RANBP2: variants seen among roughly 807,000 people sequenced by gnomAD.
RANBP2 encodes RAN binding protein 2, also known as E3 SUMO-protein ligase RanBP2.
In RANBP2, 57 loss-of-function variants were observed where a neutral mutation model predicts 303.6. The ratio of observed to expected loss-of-function variants is 0.19; its 90% CI spans 0.15 to 0.23. RANBP2 has a LOEUF of 0.23. Among genes scored for constraint, RANBP2 ranks in the 10% least tolerant of loss-of-function variants. RANBP2 has a pLI of 1.00. For synonymous variants in RANBP2, 1,167 were observed against 1,301.5 expected, an observed-to-expected ratio of 0.90 and a Z score of 2.23; for missense variants, 3,138 against 3,780.8, an observed-to-expected ratio of 0.83 and a Z score of 4.46.
the RANBP2 span, among the ~76,000 whole-genome samples, chr2:109,133,593 A>G: frequency 1.3e-5 from 2 of 152,176 alleles, no homozygotes; most frequent in South Asian, 4.1e-4. Context: ...AGGATTCTGA[A>G]TAGAGCGTCA....
rs1159089490 is a variant in RANBP2, at chr2:108,753,058, T to C, written c.1816T>C (p.Trp606Arg). ...REYIGRSVHY[W>R]KKVLPLLKII... ...ATACATAGGGAGAAGTGTTCATTAT[T>C]GGAAGAAAGTTTTGCCATTGTTGAA... Residue 606 changes from tryptophan (W) to arginine (R), a missense_variant, in exon 13 of 29, where the codon TGG becomes CGG. This residue lies in a region of RANBP2 where 162 missense variants were observed against 286.9 expected (regional missense o/e 0.56). Transcript: ENST00000283195. 6.2e-7 allele frequency: 1 copy of C among 1,609,854 alleles called. No homozygotes were observed. The highest frequency in any genetic ancestry group is 1.7e-5 in the Admixed American group (1 of 59,702).
chr2:109,389,031 C>T, the RANBP2 span, among the ~76,000 whole-genome samples: 1 of 152,194 alleles, frequency 6.6e-6, no homozygotes, highest in Non-Finnish European at 1.5e-5. Context: ...CACCAGGAGC[C>T]CATCACATGC....
chr2:108,750,770 G>C (rs1431009067), intron 9 of RANBP2, among the ~76,000 whole-genome samples: 1 of 152,052 alleles, frequency 6.6e-6, no homozygotes, highest in Non-Finnish European at 1.5e-5. Context: ...TGTGTTTTTA[G>C]TAGAGACGGA....
At chr2:109,058,735 A>G in the RANBP2 span, among the ~76,000 whole-genome samples, 1 of 152,230 alleles carries the variant, frequency 6.6e-6, no homozygotes, top group Non-Finnish European at 1.5e-5. Flanking sequence ...AAGAGTCAGA[A>G]GAGTGGAATT....
At chr2:108,975,999 C>A in the RANBP2 span, among the ~76,000 whole-genome samples, 1 of 152,148 alleles carries the variant, frequency 6.6e-6, no homozygotes, top group Non-Finnish European at 1.5e-5. Context: ...GGACCCCACA[C>A]CAGTTTTCCT....
chr2:109,094,321 C>T, the RANBP2 span, among the ~76,000 whole-genome samples: 17 of 152,152 alleles, frequency 1.1e-4, no homozygotes, highest in East Asian at 1.2e-3. Flanking sequence ...TTTGGGGATC[C>T]GGTATTATGT....
At chr2:108,794,977 C>A in the RANBP2 span, among the ~76,000 whole-genome samples, 2 of 151,682 alleles carry the variant, frequency 1.3e-5, no homozygotes, top group Non-Finnish European at 2.9e-5. Context: ...TGATTTCCAT[C>A]CCATCCTTAC....
At chr2:108,794,799 A>T in the RANBP2 span, 1 of 531,036 alleles carries the variant, frequency 1.9e-6, no homozygotes, top group Non-Finnish European at 2.9e-6. Flanking sequence ...TTTGAATATA[A>T]TATATTTCAT....
chr2:108,741,840 T>C (rs1278793201), intron 7 of RANBP2, among the ~76,000 whole-genome samples: 4 of 144,258 alleles, frequency 2.8e-5, no homozygotes, highest in Admixed American at 7.0e-5. Flanking sequence ...TTTAATGAGC[T>C]TGCATAACTT....
the RANBP2 span, among the ~76,000 whole-genome samples, chr2:109,108,114 C>A: frequency 6.6e-6 from 1 of 152,190 alleles, no homozygotes; most frequent in African/African-American, 2.4e-5. Flanking sequence ...ACCATGTTAG[C>A]CAGGATGGTC....
At chr2:109,068,513 C>T in the RANBP2 span, among the ~76,000 whole-genome samples, 1 of 152,204 alleles carries the variant, frequency 6.6e-6, no homozygotes, top group African/African-American at 2.4e-5. Flanking sequence ...AAGTGGGGAA[C>T]GAACAGAGAC....
the RANBP2 span, among the ~76,000 whole-genome samples, chr2:109,651,337 C>A: frequency 3.9e-5 from 6 of 152,088 alleles, no homozygotes; most frequent in Non-Finnish European, 8.8e-5. Context: ...TAAGACTGGG[C>A]TCAAGCAAGT....
the RANBP2 span, among the ~76,000 whole-genome samples, chr2:109,179,003 A>ATGTGTGTGTGTGTGTG: frequency 0.063 from 8,890 of 141,712 alleles, 396 homozygotes; most frequent in Middle Eastern, 0.11. Context: ...AAGTATAATA[A>ATGTGTGTGTGTGTGTG]TGTGTGTGTG....
chr2:109,336,744 A>G, the RANBP2 span, among the ~76,000 whole-genome samples: 5 of 152,260 alleles, frequency 3.3e-5, no homozygotes, highest in Admixed American at 6.5e-5. Flanking sequence ...GGAGATTTCC[A>G]TTACAAAGTT....
the RANBP2 span, among the ~76,000 whole-genome samples, chr2:108,997,019 C>T: frequency 7.2e-3 from 1,098 of 152,250 alleles, 8 homozygotes; most frequent in South Asian, 0.029. Flanking sequence ...GTGGGGAGTG[C>T]AGTGTTTTTG....
At chr2:109,649,901 T>C in the RANBP2 span, among the ~76,000 whole-genome samples, 1 of 152,230 alleles carries the variant, frequency 6.6e-6, no homozygotes, top group Admixed American at 6.5e-5. Context: ...AAAATGAATC[T>C]TGGAAAGCCA....
chr2:108,731,208 G>T, intron 3 of RANBP2, 114 bp from the exon 4 acceptor site: 1 of 1,458,384 alleles, frequency 6.9e-7, no homozygotes, highest in Non-Finnish European at 9.1e-7. Context: ...TCTAGAAGTA[G>T]AATTTTTTAA....
chr2:109,660,209 G>A, the RANBP2 span, among the ~76,000 whole-genome samples: 1 of 152,118 alleles, frequency 6.6e-6, no homozygotes, highest in Non-Finnish European at 1.5e-5. Flanking sequence ...GTTGGGCCAA[G>A]TCTTCATGTA....
chr2:109,061,391 A>G, the RANBP2 span, among the ~76,000 whole-genome samples: 143 of 152,166 alleles, frequency 9.4e-4, no homozygotes, highest in African/African-American at 3.4e-3. Context: ...ATCATTTGTC[A>G]TTGCTGATTT....
Sources: allele counts gnomAD v4.1 joint callset (sites outside exome capture counted in the v4.1 genomes callset), GRCh38; gene constraint gnomAD v4.1.1; regional missense constraint gnomAD v4.1.1; transcripts MANE v1.5; gene names NCBI Gene and HGNC (gene_info 2026-07-23, HGNC 2026-07-21).